The following POSTN variants were observed in gnomAD, a reference collection of about 807,000 sequenced individuals.
The protein encoded by POSTN is osteoblast specific factor 2 (fasciclin I-like).
Under a neutral mutation model 104.5 loss-of-function variants are expected in POSTN, and 71 were observed. That is an observed-to-expected ratio of 0.68 (90% confidence interval 0.56 to 0.83). POSTN has a LOEUF of 0.83. POSTN is among the 40% of genes least tolerant of loss of function. POSTN has a pLI of 0.00. For synonymous variants in POSTN, 355 were observed against 340.7 expected, an observed-to-expected ratio of 1.04 and a Z score of -0.46; for missense variants, 949 against 1,006.8, an observed-to-expected ratio of 0.94 and a Z score of 0.78.
chr13:37,584,166 T>G, intron 8 of POSTN, 63 bp from the exon 9 acceptor site: 1 of 1,580,822 alleles, frequency 6.3e-7, no homozygotes, highest in Non-Finnish European at 8.6e-7. Context: ...ATCATGAAAC[T>G]AGTAAATCAA....
At chr13:37,569,854 A>C (rs377251655) in intron 19 of POSTN, 33 bp from the exon 20 acceptor site, 2 of 1,427,272 alleles carry the variant, frequency 1.4e-6, no homozygotes, top group African/African-American at 1.4e-5. Flanking sequence ...GGTCTAAAAC[A>C]GAAGTAGGCA....
At chr13:37,594,778 A>T (rs1951038377) in intron 2 of POSTN, among the ~76,000 whole-genome samples, 1 of 152,156 alleles carries the variant, frequency 6.6e-6, no homozygotes, top group Admixed American at 6.6e-5. Context: ...CTGAAAGGCA[A>T]ACATTTCTGT....
At chr13:37,565,203 G>C (rs182854947) in intron 21 of POSTN, 130 of 152,014 alleles carry the variant, frequency 8.6e-4, no homozygotes, top group African/African-American at 3.1e-3. Context: ...TTATATTTAA[G>C]AACTGCAAGT....
At chr13:37,563,830 A>G (rs1483863531) in intron 22 of POSTN, among the ~76,000 whole-genome samples, 1 of 152,002 alleles carries the variant, frequency 6.6e-6, no homozygotes, top group East Asian at 1.9e-4. Context: ...TCCACAAGGG[A>G]AATTCTTGCT....
chr13:37,580,090 C>T, intron 11 of POSTN, 99 bp from the exon 12 acceptor site: 1 of 1,087,962 alleles, frequency 9.2e-7, no homozygotes, highest in Non-Finnish European at 1.3e-6. Flanking sequence ...TTGTGGAAAG[C>T]ATGAGAGAAC....
At chr13:37,586,338 C>A in intron 6 of POSTN, 58 bp from the exon 7 acceptor site, 1 of 1,546,232 alleles carries the variant, frequency 6.5e-7, no homozygotes. Flanking sequence ...AAAAAGATTG[C>A]AACACACTTA....
chr13:37,598,723 T>A lies in POSTN; in HGVS notation c.4A>T (p.Ile2Phe). The part of the protein sequence containing the change: M[I>F]PFLPMFSLLL... ...AGAGAAAACATGGGTAAAAAGGGAA[T>A]CATCTTGAGTCTCTCCGTTGCAGTT... is the stretch of plus-strand genomic sequence containing the variant. The change falls in exon 1 of 23, where the codon ATT (isoleucine) becomes TTT (phenylalanine). Residue 2 changes from isoleucine (I) to phenylalanine (F), a missense_variant. By Grantham distance (21) the Ile-to-Phe change is conservative (BLOSUM62 0). Transcript: ENST00000379747. The A allele has an allele frequency of 6.2e-7, 1 of 1,612,764 alleles. No individual in the cohort carries two copies. Among genetic ancestry groups the A allele is most frequent in the Non-Finnish European group, 8.5e-7 (1 of 1,179,002 alleles).
chr13:37,586,073 T>G, intron 7 of POSTN, 66 bp downstream of exon 7: 3 of 1,461,814 alleles, frequency 2.1e-6, no homozygotes, highest in Non-Finnish European at 2.8e-6. Context: ...TGGTAAGGAC[T>G]AGCCTCTTTT....
Position 37,587,988 on chromosome 13 carries a change from T to C in POSTN, c.442-2A>G. 1 of 1,561,910 alleles carries C rather than the reference T, an allele frequency of 6.4e-7. No individual in the cohort carries two copies. On this transcript the variant is annotated splice_acceptor_variant, in intron 4 of 22. Transcript: ENST00000379747. LOFTEE classifies it high-confidence loss of function. ...GCTCTCCAAACCTCTACGGATATCC[T>C]AGGAAAAATTGCAATGATAGAAATT...
At chr13:37,597,414 C>T in intron 1 of POSTN, 132 bp from the exon 2 acceptor site, 1 of 629,094 alleles carries the variant, frequency 1.6e-6, no homozygotes, top group South Asian at 2.1e-5. Context: ...TAGCCTTGCA[C>T]AAATCTAATT....
intron 2 of POSTN, among the ~76,000 whole-genome samples, chr13:37,593,570 T>C (rs1226146464): frequency 1.3e-5 from 2 of 151,582 alleles, no homozygotes; most frequent in East Asian, 3.9e-4. Context: ...TATAGATTAA[T>C]TATTTTGCAA....
chr13:37,570,940 TAGTG>T (rs764509535), intron 18 of POSTN: 2 of 355,950 alleles, frequency 5.6e-6, no homozygotes, highest in Non-Finnish European at 1.0e-5. Context: ...AATAAATACT[TAGTG>T]AGAATCCAGG....
At chr13:37,583,942 G>A (rs1397133953) in intron 9 of POSTN, 27 bp downstream of exon 9, 2 of 1,592,640 alleles carry the variant, frequency 1.3e-6, no homozygotes, top group East Asian at 2.3e-5. Flanking sequence ...TAGGCAGAGA[G>A]CAGGAACAAC....
intron 17 of POSTN, among the ~76,000 whole-genome samples, chr13:37,572,266 T>C (rs1454915781): frequency 6.6e-6 from 1 of 151,600 alleles, no homozygotes; most frequent in Non-Finnish European, 1.5e-5. Flanking sequence ...AACTGTTGCT[T>C]GCTTATCTTT....
At chr13:37,591,705 C>T (rs1451164240) in intron 3 of POSTN, among the ~76,000 whole-genome samples, 1 of 151,570 alleles carries the variant, frequency 6.6e-6, no homozygotes, top group East Asian at 1.9e-4. Context: ...CTCTAGTTGG[C>T]AGAAGTAGAG....
intron 16 of POSTN, among the ~76,000 whole-genome samples, chr13:37,575,321 C>T (rs138567802): frequency 3.3e-5 from 5 of 150,152 alleles, no homozygotes; most frequent in Admixed American, 6.7e-5. Flanking sequence ...AAACGTGTGT[C>T]GTCTACCTAA....
intron 9 of POSTN, 65 bp downstream of exon 9, chr13:37,583,904 A>G: frequency 1.3e-6 from 2 of 1,545,570 alleles, no homozygotes; most frequent in Non-Finnish European, 1.7e-6. Context: ...CTTATTGCAA[A>G]CAATCATCAT....
At chr13:37,568,689 T>C (rs1373677864) in intron 21 of POSTN, 2 of 152,002 alleles carry the variant, frequency 1.3e-5, no homozygotes, top group African/African-American at 4.8e-5. Flanking sequence ...TGAATTCTTT[T>C]TTTTTTGTTC....
chr13:37,589,242 G>C (rs1950852954), intron 4 of POSTN, among the ~76,000 whole-genome samples: 1 of 152,176 alleles, frequency 6.6e-6, no homozygotes, highest in South Asian at 2.1e-4. Context: ...TAGGTTTACT[G>C]TTTGTATGCA....
Sources: allele counts gnomAD v4.1 joint callset (sites outside exome capture counted in the v4.1 genomes callset), GRCh38; gene constraint gnomAD v4.1.1; transcripts MANE v1.5; gene names NCBI Gene and HGNC (gene_info 2026-07-23, HGNC 2026-07-21).